Variants in MAD1L1 observed in about 807,000 individuals in gnomAD.
MAD1L1 encodes mitotic arrest deficient 1 like 1.
MAD1L1 carries 95 observed loss-of-function variants against 96.9 expected under a neutral mutation model. The ratio of observed to expected loss-of-function variants is 0.98; its 90% CI spans 0.83 to 1.16. The LOEUF (loss-of-function observed/expected upper bound fraction) is 1.16, where lower values mean the gene tolerates loss of function less well. Ranked by LOEUF, MAD1L1 falls within the 50% of genes most tolerant of loss-of-function variation. The pLI is 0.00. For synonymous variants in MAD1L1, 473 were observed against 396.6 expected (o/e 1.19, Z -2.29); for missense variants, 1,007 against 954.4 (o/e 1.06, Z -0.73).
chr7:2,054,343 G>A (rs1021927155), intron 12 of MAD1L1, among the ~76,000 whole-genome samples: 1 of 152,184 alleles, frequency 6.6e-6, no homozygotes, highest in Non-Finnish European at 1.5e-5. Flanking sequence ...GGTGGAGGCG[G>A]TCCACGCTCC....
chr7:1,848,544 TC>T (rs10713007), intron 18 of MAD1L1: 57,019 of 152,180 alleles, frequency 0.37, 10,865 homozygotes, highest in Admixed American at 0.45. Flanking sequence ...CTCCTGGGAT[TC>T]AAGACCCTAC....
At position 1,819,412 on chromosome 7, in the gene MAD1L1, C is replaced by T. The variant is rs190958651; in HGVS notation, c.1999-3184G>A. 4.3e-4 allele frequency among the ~76,000 whole-genome samples: 66 copies of T among 152,232 alleles called. 1 individual carries two copies. Among genetic ancestry groups the T allele is most frequent in the Middle Eastern group, 3.4e-3 (1 of 294 alleles). On this transcript the variant is annotated intron_variant, in intron 18 of 18. Transcript: ENST00000265854. ...GACACTCACTCTTAATGAAGACACT[C>T]GCGGCGTCCATTGTGGCCACTGCAC...
intron 11 of MAD1L1, among the ~76,000 whole-genome samples, chr7:2,139,724 A>G (rs1788932628): frequency 6.6e-6 from 1 of 152,238 alleles, no homozygotes; most frequent in Non-Finnish European, 1.5e-5. Flanking sequence ...ACCCCCGTCC[A>G]GATGGCTCCA....
At chr7:1,995,683 C>A (rs1017567245) in intron 14 of MAD1L1, among the ~76,000 whole-genome samples, 1 of 152,316 alleles carries the variant, frequency 6.6e-6, no homozygotes, top group African/African-American at 2.4e-5. Context: ...CCTCTCCAAG[C>A]TCAGGACACC....
chr7:1,872,420 C>T (rs1355957046), intron 18 of MAD1L1, among the ~76,000 whole-genome samples: 2 of 152,176 alleles, frequency 1.3e-5, no homozygotes, highest in African/African-American at 4.8e-5. Flanking sequence ...CTCTGCGCTG[C>T]GGCTTCCCCG....
intron 12 of MAD1L1, among the ~76,000 whole-genome samples, chr7:2,050,701 G>C (rs1784130473): frequency 6.6e-6 from 1 of 152,176 alleles, no homozygotes; most frequent in South Asian, 2.1e-4. Context: ...ACAACTGAAG[G>C]GGCAGAGGCT....
chr7:1,846,913 C>G (rs998522909), intron 18 of MAD1L1: 1 of 290,724 alleles, frequency 3.4e-6, no homozygotes, highest in Non-Finnish European at 6.6e-6. Context: ...TCTGCCAGCT[C>G]GTGGGGCTTG....
chr7:1,982,429 G>A (rs112199120), intron 14 of MAD1L1, among the ~76,000 whole-genome samples: 2 of 152,068 alleles, frequency 1.3e-5, no homozygotes, highest in Middle Eastern at 3.2e-3. Flanking sequence ...GGCTGGTCCC[G>A]ATCTCCTGAC....
chr7:1,908,557 A>T (rs1486958553), intron 17 of MAD1L1, among the ~76,000 whole-genome samples: 2 of 151,954 alleles, frequency 1.3e-5, no homozygotes, highest in Non-Finnish European at 2.9e-5. Flanking sequence ...TAATATATAT[A>T]TTTTTAGGGT....
chr7:2,114,681 A>T lies in MAD1L1; in HGVS notation c.1073+34471T>A, dbSNP rs1047613221. Among the ~76,000 whole-genome samples, 1 of 152,192 alleles carries T rather than the reference A, an allele frequency of 6.6e-6. No homozygotes were observed. Among genetic ancestry groups the T allele is most frequent in the Non-Finnish European group, 1.5e-5 (1 of 68,040 alleles). On this transcript the variant is annotated intron_variant, in intron 11 of 18. Transcript: ENST00000265854. This position sits in a 1 kb window ranked among gnomAD's most constrained non-coding sequence, Gnocchi z 4.2. ...TTTTGTAAACAACTTTTGTTTTTTT[A>T]ACAAAGTTTTGATGGAGCACAGCCA...
At chr7:2,109,351 C>G (rs1254226412) in intron 11 of MAD1L1, 1 of 152,226 alleles carries the variant, frequency 6.6e-6, no homozygotes, top group Non-Finnish European at 1.5e-5. Flanking sequence ...CTGCAGCAGC[C>G]GCAGGGAACA....
chr7:1,962,633 T>A (rs1025217187), intron 15 of MAD1L1, among the ~76,000 whole-genome samples: 3 of 152,024 alleles, frequency 2.0e-5, no homozygotes, highest in African/African-American at 7.2e-5. Context: ...AATTTTAAAA[T>A]GGACAAAAAA....
chr7:2,070,849 T>C (rs969462448), intron 11 of MAD1L1, among the ~76,000 whole-genome samples: 2 of 152,240 alleles, frequency 1.3e-5, no homozygotes, highest in Non-Finnish European at 1.5e-5. Flanking sequence ...TGATTGCTTC[T>C]GCTCGGCCTT....
intron 10 of MAD1L1, among the ~76,000 whole-genome samples, chr7:2,204,198 C>T (rs550603828): frequency 2.6e-5 from 4 of 152,086 alleles, no homozygotes; most frequent in Non-Finnish European, 5.9e-5. Context: ...GGGATGGGTC[C>T]CTCCCCAAAT....
At chr7:2,083,169 G>A (rs1785738789) in intron 11 of MAD1L1, among the ~76,000 whole-genome samples, 2 of 152,190 alleles carry the variant, frequency 1.3e-5, no homozygotes, top group South Asian at 4.1e-4. Context: ...AAACTTTAAG[G>A]AGAAAATGAG....
At chr7:1,875,000 G>C (rs1299201549) in intron 18 of MAD1L1, among the ~76,000 whole-genome samples, 1 of 152,174 alleles carries the variant, frequency 6.6e-6, no homozygotes, top group Non-Finnish European at 1.5e-5. Flanking sequence ...TCCGAGCCAA[G>C]GGCCTCCTTC....
intron 18 of MAD1L1, among the ~76,000 whole-genome samples, chr7:1,886,545 C>T (rs930099958): frequency 6.6e-6 from 1 of 152,200 alleles, no homozygotes; most frequent in Non-Finnish European, 1.5e-5. Context: ...GTGGCACGGG[C>T]GGGAGAGGGC....
chr7:2,215,943 T>G lies in MAD1L1; in HGVS notation c.866A>C (p.Lys289Thr). 2 of 1,614,206 alleles carry G rather than the reference T, an allele frequency of 1.2e-6. No individual in the cohort carries two copies. The highest frequency in any genetic ancestry group is 4.5e-5 in the East Asian group (2 of 44,876). ...LQEELEGLQR[K>T]LGRQEKMQET... The stretch of plus-strand genomic sequence containing the variant: ...CTGCATCTTCTCCTGGCGCCCCAGC[T>G]TCCTCTGCAGCCCTTCCAGCTCTTC... Residue 289 changes from lysine to threonine, a missense_variant, in exon 9 of 19, where the codon AAG becomes ACG. Coordinates refer to ENST00000265854, the MANE Select transcript of MAD1L1 (RefSeq NM_001013836.2).
At chr7:2,154,875 A>G (rs1191962038) in intron 10 of MAD1L1, among the ~76,000 whole-genome samples, 1 of 152,180 alleles carries the variant, frequency 6.6e-6, no homozygotes, top group Admixed American at 6.5e-5. Flanking sequence ...CTCTACAGGA[A>G]GCATTCCGGC....
Sources: gnomAD v4.1 joint callset for allele counts (sites outside exome capture counted in the v4.1 genomes callset) on GRCh38, gnomAD v4.1.1 for gene constraint, Gnocchi (gnomAD v3.1) non-coding constraint, MANE v1.5 for transcripts, NCBI Gene and HGNC (gene_info 2026-07-23, HGNC 2026-07-21) for gene names.